The following GMDS variants were observed in gnomAD, a reference collection of about 807,000 sequenced individuals.
GMDS encodes the protein GDP-mannose 4,6 dehydratase.
GMDS carries 20 observed loss-of-function variants against 49.9 expected under a neutral mutation model. The observed-to-expected ratio is 0.40, with a 90% CI of 0.28 to 0.58. The LOEUF (loss-of-function observed/expected upper bound fraction) is 0.58. GMDS is among the 20% of genes least tolerant of loss of function. The pLI, the probability that GMDS is intolerant of heterozygous loss-of-function variation, is 0.42. For missense variants in GMDS, 362 were observed against 481.4 expected (o/e 0.75, Z 2.32); for synonymous variants, 177 against 178.6 (o/e 0.99, Z 0.07).
chr6:2,026,040 A>T (rs1768578176), intron 4 of GMDS, among the ~76,000 whole-genome samples: 1 of 152,224 alleles, frequency 6.6e-6, no homozygotes, highest in African/African-American at 2.4e-5. Flanking sequence ...TCCTTAGCAC[A>T]TTGTACTCAA....
In GMDS at chr6:1,766,333, C is replaced by T. The variant is rs942330206; in HGVS notation, c.772-23747G>A. The stretch of plus-strand genomic sequence containing the variant: ...AGATTCATTTGGGCTTCAGGAAACG[C>T]GGTGCATGAGCTGTTTCAGGTGCTG... On this transcript the variant is annotated intron_variant, in intron 7 of 10. Coordinates refer to ENST00000380815, the MANE Select transcript of GMDS (RefSeq NM_001500.4). The surrounding 1 kb of genome is among the most constrained non-coding windows in gnomAD (Gnocchi z 4.5). Among the ~76,000 whole-genome samples, 22 of 152,192 alleles carry T rather than the reference C, an allele frequency of 1.4e-4. No homozygotes were observed. Among genetic ancestry groups the T allele is most frequent in the South Asian group, 4.1e-4 (2 of 4,828 alleles).
At chr6:1,801,697 C>T (rs995789589) in intron 7 of GMDS, among the ~76,000 whole-genome samples, 1 of 152,230 alleles carries the variant, frequency 6.6e-6, no homozygotes, top group Non-Finnish European at 1.5e-5. Flanking sequence ...GCGGGCAGCC[C>T]CGGGCACAAG....
At chr6:2,163,624 G>C (rs1035604823) in intron 1 of GMDS, among the ~76,000 whole-genome samples, 3 of 152,182 alleles carry the variant, frequency 2.0e-5, no homozygotes, top group Non-Finnish European at 4.4e-5. Flanking sequence ...GGGAGGAAAA[G>C]ACCATGTCCC....
At chr6:2,127,109 G>C (rs977605907) in intron 1 of GMDS, among the ~76,000 whole-genome samples, 1 of 152,120 alleles carries the variant, frequency 6.6e-6, no homozygotes, top group Non-Finnish European at 1.5e-5. Flanking sequence ...ATCTAAGTTA[G>C]ATAATGACAC....
intron 4 of GMDS, among the ~76,000 whole-genome samples, chr6:2,054,277 C>T (rs1393868252): frequency 2.0e-5 from 3 of 151,942 alleles, no homozygotes; most frequent in Admixed American, 6.6e-5. Flanking sequence ...TTTTAAATTG[C>T]CCACATATAG....
At chr6:2,163,635 A>C (rs1012365361) in intron 1 of GMDS, among the ~76,000 whole-genome samples, 100 of 152,344 alleles carry the variant, frequency 6.6e-4, no homozygotes, top group African/African-American at 2.3e-3. Context: ...ACCATGTCCC[A>C]GCTCAAGACA....
intron 6 of GMDS, among the ~76,000 whole-genome samples, chr6:1,949,461 G>A (rs529006464): frequency 2.0e-5 from 3 of 152,260 alleles, no homozygotes; most frequent in African/African-American, 4.8e-5. Flanking sequence ...ACAAAACACT[G>A]AAAAACAACC....
chr6:2,139,186 C>T (rs1332442136), intron 1 of GMDS, among the ~76,000 whole-genome samples: 1 of 152,044 alleles, frequency 6.6e-6, no homozygotes, highest in Admixed American at 6.5e-5. Context: ...CTTCTTGTAC[C>T]CCAAAAGCTA....
chr6:1,755,625 T>C (rs1037084340), intron 7 of GMDS, among the ~76,000 whole-genome samples: 4 of 152,190 alleles, frequency 2.6e-5, no homozygotes, highest in Non-Finnish European at 4.4e-5. Context: ...CTTCGAACTA[T>C]ACTGCAAGAC....
In GMDS at chr6:2,104,953, C is replaced by T. The variant is rs551136374; in HGVS notation, c.345+10818G>A. 2.0e-4 allele frequency among the ~76,000 whole-genome samples: 30 copies of T among 152,026 alleles called. 1 individual carries two copies. Among genetic ancestry groups the T allele is most frequent in the South Asian group, 8.3e-4 (4 of 4,814 alleles). ...ATCCCAGCACTTTGGGAGGCTGAGG[C>T]GGGCAGATCACAAAGTCAGGAGATC... On this transcript the variant is annotated intron_variant, in intron 4 of 10. Transcript: ENST00000380815.
intron 4 of GMDS, among the ~76,000 whole-genome samples, chr6:2,064,837 G>A (rs1331055303): frequency 1.3e-5 from 2 of 152,152 alleles, no homozygotes; most frequent in Non-Finnish European, 2.9e-5. Context: ...TTTTGGGGAG[G>A]GAGATGTCAT....
intron 4 of GMDS, among the ~76,000 whole-genome samples, chr6:1,996,952 T>C (rs1240911745): frequency 6.6e-6 from 1 of 152,004 alleles, no homozygotes; most frequent in Non-Finnish European, 1.5e-5. Context: ...TTTTTTTTTG[T>C]TTTTAAAGCA....
intron 1 of GMDS, among the ~76,000 whole-genome samples, chr6:2,211,004 T>C (rs1780038357): frequency 6.6e-6 from 1 of 152,178 alleles, no homozygotes; most frequent in South Asian, 2.1e-4. Flanking sequence ...CATGTGAAGA[T>C]GTGCTTGCTT....
At chr6:1,837,475 C>T (rs3800090) in intron 7 of GMDS, among the ~76,000 whole-genome samples, 9,742 of 152,182 alleles carry the variant, frequency 0.064, 376 homozygotes, top group South Asian at 0.15. Context: ...CTTGCATACA[C>T]GATGCTTAAT....
At chr6:2,195,638 T>G (rs1009946953) in intron 1 of GMDS, among the ~76,000 whole-genome samples, 2 of 152,168 alleles carry the variant, frequency 1.3e-5, no homozygotes, top group Non-Finnish European at 2.9e-5. Flanking sequence ...AGGTATTATG[T>G]GTCCTTCTTT....
At chr6:2,242,471 A>G (rs772298401) in intron 1 of GMDS, among the ~76,000 whole-genome samples, 17 of 152,240 alleles carry the variant, frequency 1.1e-4, no homozygotes, top group Non-Finnish European at 2.4e-4. Flanking sequence ...TACTAGAGAT[A>G]CACAGCAGAC....
In GMDS at chr6:2,000,097, T is replaced by C. The variant is rs567403661; in HGVS notation, c.346-39131A>G. On this transcript the variant is annotated intron_variant, in intron 4 of 10. Coordinates refer to ENST00000380815, the MANE Select transcript of GMDS (RefSeq NM_001500.4). ...TCGCCCAGGCTGGAGTGCAGTGGCATGATCTCAGCTCACTGCAAGCTCCAC... is the reference window on the plus strand; with the variant it reads ...TCGCCCAGGCTGGAGTGCAGTGGCACGATCTCAGCTCACTGCAAGCTCCAC... Among the ~76,000 whole-genome samples the C allele has an allele frequency of 8.5e-5, 10 of 117,798 alleles. No individual in the cohort carries two copies. The South Asian group carries it at 2.4e-3, about 28-fold the overall frequency. 77.3% of individuals were successfully genotyped at this position (117,798 alleles called of 152,430 possible).
At chr6:1,627,730 C>T (rs1025232805) in intron 9 of GMDS, among the ~76,000 whole-genome samples, 1 of 152,182 alleles carries the variant, frequency 6.6e-6, no homozygotes, top group Non-Finnish European at 1.5e-5. Flanking sequence ...TTATGTACAG[C>T]TTCCCAAAAG....
At chr6:1,740,277 C>T (rs770520926) in intron 8 of GMDS, among the ~76,000 whole-genome samples, 7 of 152,100 alleles carry the variant, frequency 4.6e-5, no homozygotes, top group Non-Finnish European at 1.0e-4. Context: ...AATTTTTGGG[C>T]CAGGTGCGGT....
Sources: allele counts gnomAD v4.1 joint callset (sites outside exome capture counted in the v4.1 genomes callset), GRCh38; gene constraint gnomAD v4.1.1; non-coding constraint Gnocchi (gnomAD v3.1); transcripts MANE v1.5; gene names NCBI Gene and HGNC (gene_info 2026-07-23, HGNC 2026-07-21).